Variants in IL10RA observed in about 807,000 individuals in gnomAD.
The protein encoded by IL10RA is interleukin 10 receptor subunit alpha, also known as interleukin-10 receptor subunit alpha.
IL10RA carries 18 observed loss-of-function variants against 29.6 expected under a neutral mutation model. That is an observed-to-expected ratio of 0.61 (90% confidence interval 0.42 to 0.90). The LOEUF (loss-of-function observed/expected upper bound fraction) is 0.90, where lower values mean the gene tolerates loss of function less well. Among genes scored for constraint, IL10RA ranks in the 40% least tolerant of loss-of-function variants. The pLI, the probability that IL10RA is intolerant of heterozygous loss-of-function variation, is 0.00. For synonymous variants in IL10RA, 292 were observed against 294.1 expected (o/e 0.99, Z 0.07); for missense variants, 634 against 716.6 (o/e 0.88, Z 1.32).
Position 117,993,991 on chromosome 11 carries a change from T to C in IL10RA, c.538-8T>C, listed in dbSNP as rs1313156968. 6.2e-7 allele frequency: 1 copy of C among 1,613,102 alleles called. No individual in the cohort carries two copies. Among genetic ancestry groups the C allele is most frequent in the Non-Finnish European group, 8.5e-7 (1 of 1,179,160 alleles). On this transcript the variant is annotated splice_polypyrimidine_tract_variant and splice_region_variant and intron_variant, in intron 4 of 6. Coordinates refer to ENST00000227752, the MANE Select transcript of IL10RA (RefSeq NM_001558.4). ...GGATTTTGTTAATTGCTATCATTTTTGTTTCAGTTCACACACAAGAAAGTA... is the reference window on the plus strand; with the variant it reads ...GGATTTTGTTAATTGCTATCATTTTCGTTTCAGTTCACACACAAGAAAGTA...
At position 117,999,665 on chromosome 11, in the gene IL10RA, ATT is replaced by A; in HGVS notation, c.*27_*28del. The stretch of plus-strand genomic sequence containing the variant: ...GACTCGGGCTGAGAGGCTGCTTTTG[ATT>A]TTAGCCATGCCTGCTCCTCTGCCTG... On this transcript the variant is annotated 3_prime_UTR_variant, in exon 7 of 7. Transcript: ENST00000227752. 6.3e-7 allele frequency: 1 copy of A among 1,596,946 alleles called. No individual in the cohort carries two copies. The highest frequency in any genetic ancestry group is 8.6e-7 in the Non-Finnish European group (1 of 1,165,436).
At chr11:117,998,590 C>T in intron 6 of IL10RA, 125 bp from the exon 7 acceptor site, 1 of 799,898 alleles carries the variant, frequency 1.3e-6, no homozygotes, top group African/African-American at 1.7e-5. Context: ...GAATACATTC[C>T]AGTGTAATTT....
chr11:117,994,054 T>C lies in IL10RA; in HGVS notation c.593T>C (p.Val198Ala). ...ENFSLLTSGEVGEFCVQVKPS... is the reference protein window; with the variant it reads ...ENFSLLTSGEAGEFCVQVKPS... ...TTCAGCCTCCTAACCTCTGGAGAAG[T>C]GGGAGAGTTCTGTGTCCAGGTGAAA... The change falls in exon 5 of 7, where the codon GTG (valine) becomes GCG (alanine). Residue 198 changes from valine (V) to alanine (A), a missense_variant. Transcript: ENST00000227752. The C allele has an allele frequency of 6.2e-7, 1 of 1,613,992 alleles. No individual in the cohort carries two copies. Among genetic ancestry groups the C allele is most frequent in the Non-Finnish European group, 8.5e-7 (1 of 1,179,864 alleles).
At chr11:117,997,743 C>T (rs185903246) in intron 6 of IL10RA, among the ~76,000 whole-genome samples, 77 of 151,928 alleles carry the variant, frequency 5.1e-4, no homozygotes, top group African/African-American at 1.7e-3. Flanking sequence ...TGGTGAGAGA[C>T]GAAAACAAAC....
intron 3 of IL10RA, 106 bp from the exon 4 acceptor site, chr11:117,993,135 G>A (rs963838228): frequency 1.7e-5 from 18 of 1,042,480 alleles, no homozygotes; most frequent in Non-Finnish European, 2.6e-5. Context: ...TTTAGGCCTA[G>A]GTTCTAATTA....
At chr11:117,995,826 C>A in intron 6 of IL10RA, 116 bp downstream of exon 6, 1 of 1,115,948 alleles carries the variant, frequency 9.0e-7, no homozygotes, top group Non-Finnish European at 1.3e-6. Context: ...CCTCTGCTCT[C>A]AGCCCTGATG....
chr11:117,998,784 C>T lies in IL10RA; in HGVS notation c.880C>T (p.His294Tyr), dbSNP rs778719886. 3 of 1,614,208 alleles carry T rather than the reference C, an allele frequency of 1.9e-6. No individual in the cohort carries two copies. Among genetic ancestry groups the T allele is most frequent in the Middle Eastern group, 1.6e-4 (1 of 6,062 alleles). Residue 294 changes from histidine (H) to tyrosine (Y), a missense_variant, in exon 7 of 7, where the codon CAC becomes TAC. By Grantham distance (83) the His-to-Tyr change is moderately conservative. Transcript: ENST00000227752. The stretch of plus-strand genomic sequence containing the variant: ...CTCCCCAGAGACCCAAGACACCATC[C>T]ACCCGCTTGATGAGGAGGCCTTTTT... ...RPSPETQDTIHPLDEEAFLKV... is the reference protein window; with the variant it reads ...RPSPETQDTIYPLDEEAFLKV...
Position 118,001,166 on chromosome 11 carries a change from C to T in IL10RA, c.*1525C>T, listed in dbSNP as rs1471373165. On this transcript the variant is annotated 3_prime_UTR_variant, in exon 7 of 7. Coordinates refer to ENST00000227752, the MANE Select transcript of IL10RA (RefSeq NM_001558.4). ...GCTTGAGGGAGGATTCCTCAGGGTT[C>T]CCTTGAAAGCTTTATTTATTTATTT... 2 of 454,048 alleles carry T rather than the reference C, an allele frequency of 4.4e-6. No homozygotes were observed. The highest frequency in any genetic ancestry group is 8.8e-6 in the Non-Finnish European group (2 of 226,782). The allele number at this position is 454,048 out of a possible 1,614,324, so 28.1% of individuals were successfully genotyped here. A position where few individuals can be genotyped will look rare whatever the true frequency, so the allele number is the denominator to read the frequency against.
At chr11:117,986,596 T>C (rs1008601610) in intron 1 of IL10RA, 62 bp downstream of exon 1, 21 of 1,546,998 alleles carry the variant, frequency 1.4e-5, no homozygotes, top group Admixed American at 7.8e-5. Flanking sequence ...CCATTAAAGT[T>C]CTCCATCCAG....
At chr11:117,997,868 G>T (rs1238179302) in intron 6 of IL10RA, among the ~76,000 whole-genome samples, 1 of 152,158 alleles carries the variant, frequency 6.6e-6, no homozygotes, top group Non-Finnish European at 1.5e-5. Context: ...CTGAAGAAGT[G>T]ACATCTGAGC....
intron 5 of IL10RA, 86 bp from the exon 6 acceptor site, chr11:117,995,503 A>G: frequency 6.4e-7 from 1 of 1,571,008 alleles, no homozygotes. Flanking sequence ...ACAGTGGGCA[A>G]TGGATTTCAT....
At position 118,000,618 on chromosome 11, in the gene IL10RA, C is replaced by A; in HGVS notation, c.*977C>A. On this transcript the variant is annotated 3_prime_UTR_variant, in exon 7 of 7. Transcript: ENST00000227752. ...CAGACCCAGAGGATAAGCCACTGGG[C>A]ACTGGGCTGGGGTCCCTGCCTTGTT... 2.2e-6 allele frequency: 1 copy of A among 454,294 alleles called. No individual in the cohort carries two copies. Among genetic ancestry groups the A allele is most frequent in the Non-Finnish European group, 4.4e-6 (1 of 226,802 alleles). The allele number at this position is 454,294 out of a possible 1,614,324, so 28.1% of individuals were successfully genotyped here.
At chr11:117,995,528 A>G (rs1269815463) in intron 5 of IL10RA, 61 bp from the exon 6 acceptor site, 4 of 1,608,274 alleles carry the variant, frequency 2.5e-6, no homozygotes, top group South Asian at 1.1e-5. Flanking sequence ...CCAGAGTCCT[A>G]TGTCCAGAAT....
rs752742717 is a variant in IL10RA, at chr11:117,989,625, T to C, written c.367+5T>C. The C allele has an allele frequency of 6.2e-7, 1 of 1,613,176 alleles. No homozygotes were observed. Among genetic ancestry groups the C allele is most frequent in the African/African-American group, 1.3e-5 (1 of 74,880 alleles). On this transcript the variant is annotated splice_donor_5th_base_variant and intron_variant, in intron 3 of 6. Coordinates refer to ENST00000227752, the MANE Select transcript of IL10RA (RefSeq NM_001558.4). This position sits in a 1 kb window ranked among gnomAD's most constrained non-coding sequence, Gnocchi z 4.5. ...CCCGCTTCTCTGTGGATGAAGGTGC[T>C]TTTCCTCCCTTGACTTAGAACATGG...
rs949607623 is a variant in IL10RA at position 118,001,227 on chromosome 11, G to T, written c.*1586G>T. On this transcript the variant is annotated 3_prime_UTR_variant, in exon 7 of 7. Transcript: ENST00000227752. ...TTTATTGGAGAGGCAGCATTGCACA[G>T]TGAAAGAATTCTGGATATCTCAGGA... 1 of 454,196 alleles carries T rather than the reference G, an allele frequency of 2.2e-6. No homozygotes were observed. Among genetic ancestry groups the T allele is most frequent in the East Asian group, 6.9e-5 (1 of 14,482 alleles). The allele number at this position is 454,196 out of a possible 1,614,324, so 28.1% of individuals were successfully genotyped here. A position where few individuals can be genotyped will look rare whatever the true frequency, so the allele number is the denominator to read the frequency against.
intron 1 of IL10RA, 27 bp downstream of exon 1, chr11:117,986,561 C>T (rs1355093511): frequency 6.4e-7 from 1 of 1,550,450 alleles, no homozygotes; most frequent in African/African-American, 1.4e-5. Flanking sequence ...CGGCCCTTCC[C>T]TGCCCTGCCC....
intron 1 of IL10RA, chr11:117,987,181 A>G (rs2057991935): frequency 3.3e-6 from 1 of 300,484 alleles, no homozygotes; most frequent in African/African-American, 2.2e-5. Flanking sequence ...GACCAAGAGC[A>G]GAGACAGAGA....
chr11:117,989,506 G>T lies in IL10RA; in HGVS notation c.253G>T (p.Ala85Ser), dbSNP rs148441092. 1 of 1,614,096 alleles carries T rather than the reference G, an allele frequency of 6.2e-7. No individual in the cohort carries two copies. Among genetic ancestry groups the T allele is most frequent in the South Asian group, 1.1e-5 (1 of 91,082 alleles). ...CCAGACCCTGTCCTATGACCTTACC[G>T]CAGTGACCTTGGACCTGTACCACAG... Reference protein sequence around the residue: ...CSQTLSYDLTAVTLDLYHSNG... With the variant: ...CSQTLSYDLTSVTLDLYHSNG... The change falls in exon 3 of 7, where the codon GCA becomes TCA. Residue 85 changes from alanine (A) to serine (S), a missense_variant. By Grantham distance (99) the Ala-to-Ser change is moderately conservative. Coordinates refer to ENST00000227752, the MANE Select transcript of IL10RA (RefSeq NM_001558.4). The surrounding 1 kb of genome is among the most constrained non-coding windows in gnomAD (Gnocchi z 4.5).
downstream of IL10RA, chr11:118,001,879 C>T (rs764522409): frequency 1.1e-5 from 2 of 176,020 alleles, no homozygotes; most frequent in Admixed American, 1.1e-4. Context: ...AAAATGAAAG[C>T]GATAAGGAGT....
Sources: gnomAD v4.1 joint callset for allele counts (sites outside exome capture counted in the v4.1 genomes callset) on GRCh38, gnomAD v4.1.1 for gene constraint, Gnocchi (gnomAD v3.1) non-coding constraint, MANE v1.5 for transcripts, NCBI Gene and HGNC (gene_info 2026-07-23, HGNC 2026-07-21) for gene names.